Variants in RASGEF1A observed in about 807,000 individuals in gnomAD.
RASGEF1A encodes the protein ras-GEF domain-containing family member 1A.
RASGEF1A carries 18 observed loss-of-function variants against 56.4 expected under a neutral mutation model. That is an observed-to-expected ratio of 0.32 (90% CI 0.22 to 0.47). The LOEUF is 0.47. RASGEF1A is among the 20% of genes least tolerant of loss of function. The pLI is 1.00. For missense variants in RASGEF1A, 422 were observed against 627.1 expected (o/e 0.67, Z 3.49); for synonymous variants, 245 against 242.6 (o/e 1.01, Z -0.09).
chr10:43,209,831 A>G (rs1458908567), intron 1 of RASGEF1A, among the ~76,000 whole-genome samples: 1 of 152,012 alleles, frequency 6.6e-6, no homozygotes, highest in Non-Finnish European at 1.5e-5. Flanking sequence ...CAGACCCTGC[A>G]TGGATGCTCT....
chr10:43,230,627 A>G (rs972468197), intron 1 of RASGEF1A, among the ~76,000 whole-genome samples: 1 of 152,202 alleles, frequency 6.6e-6, no homozygotes, highest in Non-Finnish European at 1.5e-5. Context: ...GGGTATGCTC[A>G]GCTTGAACCT....
At chr10:43,225,234 G>A (rs1228580162) in intron 1 of RASGEF1A, among the ~76,000 whole-genome samples, 1 of 93,144 alleles carries the variant, frequency 1.1e-5, no homozygotes, top group Non-Finnish European at 1.9e-5. Context: ...GTGTGTGTGT[G>A]CATGTCTGTG....
At chr10:43,201,535 A>G (rs1312199653) in intron 4 of RASGEF1A, among the ~76,000 whole-genome samples, 1 of 152,240 alleles carries the variant, frequency 6.6e-6, no homozygotes, top group African/African-American at 2.4e-5. Context: ...CAAGGACAGC[A>G]AGGGCCAGGA....
intron 1 of RASGEF1A, among the ~76,000 whole-genome samples, chr10:43,251,165 A>C (rs1255251529): frequency 6.6e-6 from 1 of 152,166 alleles, no homozygotes; most frequent in Non-Finnish European, 1.5e-5. Context: ...CTGGGCCCTG[A>C]TGGCACTCTT....
chr10:43,222,677 G>A (rs1235309653), intron 1 of RASGEF1A, among the ~76,000 whole-genome samples: 1 of 152,216 alleles, frequency 6.6e-6, no homozygotes, highest in Admixed American at 6.5e-5. Flanking sequence ...CATAGTAAGT[G>A]GGTAAATGGA....
intron 1 of RASGEF1A, among the ~76,000 whole-genome samples, chr10:43,266,247 G>T (rs566434976): frequency 2.1e-3 from 315 of 152,280 alleles, no homozygotes; most frequent in African/African-American, 3.9e-3. Context: ...GGCCGGCAAG[G>T]CCTGGGGCAA....
chr10:43,212,850 C>G (rs1840087221), intron 1 of RASGEF1A, among the ~76,000 whole-genome samples: 1 of 149,624 alleles, frequency 6.7e-6, no homozygotes, highest in Non-Finnish European at 1.5e-5. Flanking sequence ...ATTCACAGCT[C>G]CCCCCACAAC....
chr10:43,243,183 GC>G (rs1840525187), intron 1 of RASGEF1A, among the ~76,000 whole-genome samples: 5 of 142,894 alleles, frequency 3.5e-5, no homozygotes, highest in African/African-American at 5.3e-5. Context: ...CTGCCTGGCC[GC>G]CCCCGTCTGG....
At chr10:43,264,725 T>C (rs1033167114) in intron 1 of RASGEF1A, among the ~76,000 whole-genome samples, 1 of 151,826 alleles carries the variant, frequency 6.6e-6, no homozygotes, top group Admixed American at 6.6e-5. Context: ...CCATCTGCTA[T>C]CTGCTATGCC....
intron 3 of RASGEF1A, 150 bp downstream of exon 3, chr10:43,203,148 C>A (rs1311978279): frequency 4.6e-6 from 3 of 649,598 alleles, no homozygotes; most frequent in South Asian, 3.6e-5. Flanking sequence ...GGACCCCATC[C>A]CACAGTCCCA....
intron 3 of RASGEF1A, 70 bp downstream of exon 3, chr10:43,203,228 C>G: frequency 6.8e-7 from 1 of 1,461,364 alleles, no homozygotes; most frequent in Non-Finnish European, 9.2e-7. Flanking sequence ...CCCCATGCCT[C>G]CAGCCCCTAG....
At chr10:43,246,757 T>C (rs193081128) in intron 1 of RASGEF1A, among the ~76,000 whole-genome samples, 125 of 152,330 alleles carry the variant, frequency 8.2e-4, no homozygotes, top group African/African-American at 2.8e-3. Flanking sequence ...TCGTACCACA[T>C]ATAAAAATGA....
chr10:43,225,476 C>T (rs903500176), intron 1 of RASGEF1A, among the ~76,000 whole-genome samples: 34 of 124,174 alleles, frequency 2.7e-4, no homozygotes, highest in African/African-American at 7.8e-4. Flanking sequence ...TGTGTGCCTG[C>T]GTGTCTCTGT....
At chr10:43,223,921 A>C (rs1035809685) in intron 1 of RASGEF1A, among the ~76,000 whole-genome samples, 12 of 152,316 alleles carry the variant, frequency 7.9e-5, no homozygotes, top group Admixed American at 3.3e-4. Context: ...AAAAAAGGGA[A>C]TCTAACTCCA....
chr10:43,239,925 A>C (rs1410853444), intron 1 of RASGEF1A, among the ~76,000 whole-genome samples: 1 of 106,902 alleles, frequency 9.4e-6, no homozygotes, highest in East Asian at 8.3e-4. Context: ...GAAAGCTTAA[A>C]AGGAAAGTTT....
At chr10:43,228,697 T>C (rs1177654262) in intron 1 of RASGEF1A, among the ~76,000 whole-genome samples, 1 of 152,204 alleles carries the variant, frequency 6.6e-6, no homozygotes, top group East Asian at 1.9e-4. Flanking sequence ...CTCTCCTACA[T>C]TGCTTCTTCT....
chr10:43,231,768 G>A lies in RASGEF1A; in HGVS notation c.-6-25646C>T, dbSNP rs972424048. ...GATGCGAGGAGGCTGCTATGCTGGG[G>A]CTGAGCCCTGCCAGGCGTCCTGCTT... On this transcript the variant is annotated intron_variant, in intron 1 of 12. Transcript: ENST00000395810. 2.0e-5 allele frequency among the ~76,000 whole-genome samples: 3 copies of A among 152,256 alleles called. No individual in the cohort carries two copies. In the South Asian group the frequency reaches 6.2e-4, roughly 31 times the overall value.
intron 1 of RASGEF1A, among the ~76,000 whole-genome samples, chr10:43,259,956 G>A (rs1000675295): frequency 1.3e-5 from 2 of 152,046 alleles, no homozygotes; most frequent in African/African-American, 4.8e-5. Context: ...ATGAAGGGAG[G>A]CACCAGAGAA....
chr10:43,203,153 G>A (rs1839934724), intron 3 of RASGEF1A, 145 bp downstream of exon 3: 1 of 208,816 alleles, frequency 4.8e-6, no homozygotes, highest in Admixed American at 6.2e-5. Context: ...CCATCCCACA[G>A]TCCCAGCCAG....
Sources: allele counts gnomAD v4.1 joint callset (sites outside exome capture counted in the v4.1 genomes callset), GRCh38; gene constraint gnomAD v4.1.1; transcripts MANE v1.5; gene names NCBI Gene and HGNC (gene_info 2026-07-23, HGNC 2026-07-21).